TAFA2: variants seen among roughly 807,000 people sequenced by gnomAD.
The protein encoded by TAFA2 is TAFA chemokine like family member 2, also known as chemokine-like protein TAFA-2.
TAFA2 carries 7 observed loss-of-function variants against 18.8 expected under a neutral mutation model. The observed-to-expected ratio is 0.37, with a 90% CI of 0.21 to 0.70. The LOEUF is 0.70. Among genes scored for constraint, TAFA2 ranks in the 30% least tolerant of loss-of-function variants. TAFA2 has a pLI of 0.53. For missense variants in TAFA2, 122 were observed against 158.1 expected (o/e 0.77, Z 1.23); for synonymous variants, 60 against 54.2 (o/e 1.11, Z -0.47).
chr12:61,891,258 AGCAGCAGAAGCAGAG>A (rs1321911110), intron 1 of TAFA2, among the ~76,000 whole-genome samples: 2 of 152,224 alleles, frequency 1.3e-5, no homozygotes, highest in Non-Finnish European at 2.9e-5. Context: ...GAAGAAAAGC[AGCAGCAGAAGCAGAG>A]GCAGCAGAAG....
intron 4 of TAFA2, among the ~76,000 whole-genome samples, chr12:61,748,154 A>G (rs1324300850): frequency 6.6e-6 from 1 of 151,786 alleles, no homozygotes; most frequent in African/African-American, 2.4e-5. Context: ...GAAGGGAGGG[A>G]GGGAGAGAGG....
intron 1 of TAFA2, among the ~76,000 whole-genome samples, chr12:62,178,089 C>T (rs2062526065): frequency 6.6e-6 from 1 of 152,084 alleles, no homozygotes; most frequent in Non-Finnish European, 1.5e-5. Flanking sequence ...CACTTGAGGC[C>T]AGGAGTTCAA....
rs1324179005 is a variant in TAFA2 at position 61,849,782 on chromosome 12, T to C, written c.106+17538A>G. Among the ~76,000 whole-genome samples the C allele has an allele frequency of 2.6e-5, 4 of 152,212 alleles. No homozygotes were observed. In the East Asian group the frequency reaches 7.7e-4, roughly 29 times the overall value. On this transcript the variant is annotated intron_variant, in intron 2 of 4. Transcript: ENST00000416284. ...GGTCTCACCTTTCTTTTTTACACGA[T>C]GCTTGTGAAAAACATCTGGATAAAG...
chr12:61,975,249 TGATATAA>T (rs1297817475), intron 1 of TAFA2, among the ~76,000 whole-genome samples: 1 of 151,734 alleles, frequency 6.6e-6, no homozygotes, highest in Admixed American at 6.6e-5. Context: ...CATATTCATC[TGATATAA>T]GATATAACTG....
chr12:62,217,579 G>T (rs1202564208), intron 1 of TAFA2, among the ~76,000 whole-genome samples: 1 of 152,198 alleles, frequency 6.6e-6, no homozygotes, highest in Non-Finnish European at 1.5e-5. Flanking sequence ...CCAGAGGGAA[G>T]CTCATTTTCA....
chr12:62,012,242 AC>A (rs1880794840), intron 1 of TAFA2, among the ~76,000 whole-genome samples: 1 of 152,206 alleles, frequency 6.6e-6, no homozygotes, highest in African/African-American at 2.4e-5. Context: ...TCTGACTGTC[AC>A]ATTATTAAAA....
chr12:61,776,413 T>TA (rs34038005), intron 2 of TAFA2: 30,722 of 156,990 alleles, frequency 0.2, 3,631 homozygotes, highest in African/African-American at 0.33. Context: ...TAATAGATGT[T>TA]AAAAAAAAAG....
upstream of TAFA2, among the ~76,000 whole-genome samples, chr12:62,193,974 C>T (rs775885126): frequency 2.0e-5 from 3 of 152,088 alleles, no homozygotes; most frequent in Non-Finnish European, 4.4e-5. Flanking sequence ...CAAGTTTTAC[C>T]GTAACTAATT....
chr12:61,806,151 T>A (rs908192046), intron 2 of TAFA2, among the ~76,000 whole-genome samples: 4 of 152,194 alleles, frequency 2.6e-5, no homozygotes, highest in Admixed American at 2.6e-4. Context: ...GTATACCAGT[T>A]AGAAAAATTG....
At chr12:61,998,374 T>C (rs1485405216) in intron 1 of TAFA2, among the ~76,000 whole-genome samples, 1 of 152,182 alleles carries the variant, frequency 6.6e-6, no homozygotes. Context: ...CTCCTCCCCT[T>C]ACCCTCATCT....
chr12:62,234,361 GC>G, intron 1 of TAFA2: 1 of 601,196 alleles, frequency 1.7e-6, no homozygotes, highest in Admixed American at 2.1e-5. Context: ...AGTGTTCTCT[GC>G]CTAGAATCCT....
chr12:61,941,487 TC>T (rs1878010375), intron 1 of TAFA2, among the ~76,000 whole-genome samples: 1 of 152,168 alleles, frequency 6.6e-6, no homozygotes, highest in African/African-American at 2.4e-5. Context: ...AGTCTACAGC[TC>T]CCAGCTTGAG....
At chr12:61,816,437 G>T (rs1872088708) in intron 2 of TAFA2, among the ~76,000 whole-genome samples, 2 of 151,290 alleles carry the variant, frequency 1.3e-5, no homozygotes, top group South Asian at 4.1e-4. Flanking sequence ...GGGCATTTAG[G>T]TTGATTCCAT....
At chr12:62,120,264 T>C (rs986659472) in intron 1 of TAFA2, among the ~76,000 whole-genome samples, 1 of 152,178 alleles carries the variant, frequency 6.6e-6, no homozygotes, top group Non-Finnish European at 1.5e-5. Context: ...CCCACAAATG[T>C]TGACTGACTT....
In TAFA2 at chr12:62,022,793, G is replaced by A. The variant is rs140922054; in HGVS notation, c.-1-155367C>T. 4.3e-3 allele frequency among the ~76,000 whole-genome samples: 649 copies of A among 152,218 alleles called. 1 individual carries two copies. The highest frequency in any genetic ancestry group is 0.017 in the Middle Eastern group (5 of 294). ...ACATAATCACTCGTTTATCCACTCC[G>A]ATTATTGACTGAGTGTCTATCATGT... On this transcript the variant is annotated intron_variant, in intron 1 of 4. Coordinates refer to ENST00000416284, the MANE Select transcript of TAFA2 (RefSeq NM_178539.5).
chr12:61,757,363 C>T (rs904852908), intron 2 of TAFA2, among the ~76,000 whole-genome samples: 2 of 151,928 alleles, frequency 1.3e-5, no homozygotes, highest in African/African-American at 4.8e-5. Context: ...GTTGATAGTT[C>T]TGATGGATAG....
intron 2 of TAFA2, among the ~76,000 whole-genome samples, chr12:61,807,681 G>A (rs1190445107): frequency 6.6e-6 from 1 of 151,372 alleles, no homozygotes; most frequent in African/African-American, 2.5e-5. Flanking sequence ...CACAGGAGTG[G>A]AGCTTCCCAA....
chr12:61,804,501 T>C (rs1871529360), intron 2 of TAFA2, among the ~76,000 whole-genome samples: 1 of 152,026 alleles, frequency 6.6e-6, no homozygotes, highest in Non-Finnish European at 1.5e-5. Flanking sequence ...GACAAGTATG[T>C]GCTAATGCAC....
chr12:62,140,286 GT>G (rs2062229044), intron 1 of TAFA2: 1 of 152,174 alleles, frequency 6.6e-6, no homozygotes, highest in South Asian at 2.1e-4. Flanking sequence ...TTTAAAGAAT[GT>G]TTTGGTAGAC....
Sources: gnomAD v4.1 joint callset for allele counts (sites outside exome capture counted in the v4.1 genomes callset) on GRCh38, gnomAD v4.1.1 for gene constraint, MANE v1.5 for transcripts, NCBI Gene and HGNC (gene_info 2026-07-23, HGNC 2026-07-21) for gene names.